Variants in OTUD7A observed in about 807,000 individuals in gnomAD.
OTUD7A encodes the protein OTU domain-containing protein 7A.
In OTUD7A, 12 loss-of-function variants were observed where a neutral mutation model predicts 65.7. The ratio of observed to expected loss-of-function variants is 0.18; its 90% CI spans 0.12 to 0.30. OTUD7A has a LOEUF of 0.30. Among genes scored for constraint, OTUD7A ranks in the 10% least tolerant of loss-of-function variants. OTUD7A has a pLI of 1.00. For missense variants in OTUD7A, 1,148 were observed against 1,304.8 expected (o/e 0.88, Z 1.85); for synonymous variants, 641 against 586.3 (o/e 1.09, Z -1.35).
At chr15:31,805,480 A>G (rs889590834) in intron 1 of OTUD7A, among the ~76,000 whole-genome samples, 3 of 152,180 alleles carry the variant, frequency 2.0e-5, no homozygotes, top group African/African-American at 7.2e-5. Flanking sequence ...ATCCACCCCA[A>G]AAGATAACTT....
chr15:31,518,504 T>G (rs755036097), intron 8 of OTUD7A, among the ~76,000 whole-genome samples: 12 of 151,976 alleles, frequency 7.9e-5, no homozygotes, highest in Non-Finnish European at 1.5e-4. Context: ...CACATCTGTG[T>G]GCACACACGT....
chr15:31,625,020 C>T (rs1890908471), intron 3 of OTUD7A, among the ~76,000 whole-genome samples: 1 of 152,220 alleles, frequency 6.6e-6, no homozygotes, highest in Non-Finnish European at 1.5e-5. Context: ...TACTCCATGA[C>T]ACACTGTGGC....
chr15:31,762,913 C>T (rs924749428), intron 1 of OTUD7A, among the ~76,000 whole-genome samples: 22 of 152,158 alleles, frequency 1.4e-4, no homozygotes, highest in African/African-American at 3.1e-4. Context: ...TACTCCGAGA[C>T]GACAAAAATA....
intron 1 of OTUD7A, among the ~76,000 whole-genome samples, chr15:31,852,816 T>C (rs966059431): frequency 2.6e-5 from 4 of 152,256 alleles, no homozygotes; most frequent in African/African-American, 9.6e-5. Flanking sequence ...GCTAATTTAA[T>C]ATTCATTACA....
intron 1 of OTUD7A, among the ~76,000 whole-genome samples, chr15:31,847,902 A>G (rs1479535822): frequency 1.6e-4 from 24 of 152,142 alleles, no homozygotes; most frequent in Admixed American, 1.6e-3. Context: ...AGTGCCACAC[A>G]TTTTTAAATG....
At chr15:31,772,238 C>A (rs1438510023) in intron 1 of OTUD7A, among the ~76,000 whole-genome samples, 1 of 130,046 alleles carries the variant, frequency 7.7e-6, no homozygotes, top group South Asian at 2.4e-4. Context: ...GGCGACAGAG[C>A]GAGACTCCGT....
rs143630550 is a variant in OTUD7A at position 31,843,609 on chromosome 15, T to C, written c.-100+26898A>G. ...AACAACATCACAGATGAGCCCTTGC[T>C]TGGCAGAACCCCTGCTGAGCTGGGT... On this transcript the variant is annotated intron_variant, in intron 1 of 12. Coordinates refer to ENST00000307050, the MANE Select transcript of OTUD7A (RefSeq NM_001382637.1). Among the ~76,000 whole-genome samples, 125 of 152,356 alleles carry C rather than the reference T, an allele frequency of 8.2e-4. 2 individuals carry two copies. The East Asian group carries it at 0.02, about 25-fold the overall frequency.
At chr15:31,515,691 A>T (rs1174580512) in intron 8 of OTUD7A, among the ~76,000 whole-genome samples, 3 of 140,060 alleles carry the variant, frequency 2.1e-5, no homozygotes, top group African/African-American at 8.2e-5. Flanking sequence ...CCACTTGTCC[A>T]TCCATCCATC....
intron 1 of OTUD7A, among the ~76,000 whole-genome samples, chr15:31,681,138 G>A (rs1434841577): frequency 2.7e-5 from 4 of 150,692 alleles, no homozygotes; most frequent in South Asian, 2.1e-4. Context: ...TTTCCTGTCC[G>A]TATGTATCTA....
chr15:31,559,041 T>A lies in OTUD7A; in HGVS notation c.478A>T (p.Ser160Cys). ...TFQLPDLSVY[S>C]EDFRSFIERD... ...TCGATGAAGCTCCTGAAATCCTCGC[T>A]GTACACGCTCAGGTCTGGCAACTGG... The change falls in exon 5 of 13, where the codon AGC (serine) becomes TGC (cysteine). Residue 160 changes from serine to cysteine, a missense_variant. Coordinates refer to ENST00000307050, the MANE Select transcript of OTUD7A (RefSeq NM_001382637.1). 6.2e-7 allele frequency: 1 copy of A among 1,614,214 alleles called. No homozygotes were observed. The highest frequency in any genetic ancestry group is 2.2e-5 in the East Asian group (1 of 44,880).
intron 3 of OTUD7A, among the ~76,000 whole-genome samples, chr15:31,617,222 C>T (rs1054493144): frequency 6.6e-6 from 1 of 152,196 alleles, no homozygotes; most frequent in Non-Finnish European, 1.5e-5. Flanking sequence ...GGTGCAGTGG[C>T]TCACGCCTGT....
intron 9 of OTUD7A, among the ~76,000 whole-genome samples, 196 bp downstream of exon 9, chr15:31,503,495 T>C (rs2041505966): frequency 6.6e-6 from 1 of 152,174 alleles, no homozygotes; most frequent in Admixed American, 6.5e-5. Flanking sequence ...CACCTGCCGT[T>C]GATAGGCAGG....
chr15:31,864,402 T>C (rs529329992), intron 1 of OTUD7A, among the ~76,000 whole-genome samples: 53 of 152,158 alleles, frequency 3.5e-4, no homozygotes, highest in Non-Finnish European at 6.5e-4. Flanking sequence ...TAATTGGACT[T>C]ACAGTTCCAC....
chr15:31,548,926 A>G lies in OTUD7A; in HGVS notation c.550+10043T>C, dbSNP rs190454011. 7.7e-4 allele frequency among the ~76,000 whole-genome samples: 117 copies of G among 152,252 alleles called. 1 individual carries two copies. Among genetic ancestry groups the G allele is most frequent in the African/African-American group, 2.7e-3 (114 of 41,536 alleles). Reference sequence around the variant, plus strand: ...TGAGGTGGGTGGATCACTTGAGGCCAGGGGTTCAAGACCAGACTGACCAAC... The same window carrying G: ...TGAGGTGGGTGGATCACTTGAGGCCGGGGGTTCAAGACCAGACTGACCAAC... On this transcript the variant is annotated intron_variant, in intron 5 of 12. Transcript: ENST00000307050.
chr15:31,775,857 C>CA (rs1356862201), intron 1 of OTUD7A, among the ~76,000 whole-genome samples: 3 of 152,324 alleles, frequency 2.0e-5, no homozygotes, highest in Non-Finnish European at 1.5e-5. Context: ...AAGCCACATC[C>CA]AGGGGAGAGC....
At chr15:31,715,652 G>A (rs1893564348) in intron 1 of OTUD7A, among the ~76,000 whole-genome samples, 1 of 127,464 alleles carries the variant, frequency 7.8e-6, no homozygotes, top group African/African-American at 2.8e-5. Context: ...CTGGGAACTT[G>A]CTTGTTTTGT....
chr15:31,721,666 G>C (rs1026158805), intron 1 of OTUD7A, among the ~76,000 whole-genome samples: 73 of 151,944 alleles, frequency 4.8e-4, no homozygotes, highest in African/African-American at 1.7e-3. Context: ...AGAAAACAAT[G>C]TAATCATTTC....
At chr15:31,599,131 C>T (rs1889999434) in intron 3 of OTUD7A, among the ~76,000 whole-genome samples, 3 of 152,230 alleles carry the variant, frequency 2.0e-5, no homozygotes, top group African/African-American at 7.2e-5. Context: ...AGCAGTGGAC[C>T]TCCCAGCACA....
rs991875496 is a variant in OTUD7A, at chr15:31,606,408, C to T, written c.152-36211G>A. 2.0e-5 allele frequency among the ~76,000 whole-genome samples: 3 copies of T among 152,312 alleles called. No individual in the cohort carries two copies. In the East Asian group the frequency reaches 5.8e-4, roughly 29 times the overall value. ...AATGTTACATTCCCAACATGGGAGT[C>T]ACTTCTTAGTATTGGTGGCTTTTGG... On this transcript the variant is annotated intron_variant, in intron 3 of 12. Transcript: ENST00000307050.
Sources: gnomAD v4.1 joint callset for allele counts (sites outside exome capture counted in the v4.1 genomes callset) on GRCh38, gnomAD v4.1.1 for gene constraint, MANE v1.5 for transcripts, NCBI Gene and HGNC (gene_info 2026-07-23, HGNC 2026-07-21) for gene names.